GALNTL6: variants seen among roughly 807,000 people sequenced by gnomAD.
The protein encoded by GALNTL6 is polypeptide N-acetylgalactosaminyltransferase like 6, also known as polypeptide N-acetylgalactosaminyltransferase-like 6.
In GALNTL6, 46 loss-of-function variants were observed where a neutral mutation model predicts 73.7. The ratio of observed to expected loss-of-function variants is 0.62; its 90% CI spans 0.49 to 0.80. The LOEUF is 0.80. Among genes scored for constraint, GALNTL6 ranks in the 30% least tolerant of loss-of-function variants. The pLI is 0.00. For missense variants in GALNTL6, 604 were observed against 755.0 expected (o/e 0.80, Z 2.34); for synonymous variants, 259 against 263.7 (o/e 0.98, Z 0.17).
intron 2 of GALNTL6, among the ~76,000 whole-genome samples, chr4:171,937,328 A>G (rs1166687324): frequency 6.6e-6 from 1 of 152,090 alleles, no homozygotes; most frequent in Non-Finnish European, 1.5e-5. Context: ...TATTTTTCCA[A>G]TTATGTAAGT....
chr4:172,669,449 A>T (rs1368341690), intron 5 of GALNTL6, among the ~76,000 whole-genome samples: 1 of 152,210 alleles, frequency 6.6e-6, no homozygotes, highest in African/African-American at 2.4e-5. Flanking sequence ...AATGACCCCA[A>T]CAGTAGATGT....
chr4:172,738,797 T>A (rs6835625), intron 5 of GALNTL6, among the ~76,000 whole-genome samples: 54,582 of 151,982 alleles, frequency 0.36, 10,850 homozygotes, highest in African/African-American at 0.52. Flanking sequence ...TAAGATATAC[T>A]TTGGTTTGGT....
intron 2 of GALNTL6, among the ~76,000 whole-genome samples, chr4:171,824,964 G>A (rs956514292): frequency 1.3e-5 from 2 of 152,126 alleles, no homozygotes; most frequent in Non-Finnish European, 2.9e-5. Context: ...AGAGAATGTA[G>A]CTCTTCCCAG....
At chr4:172,079,203 T>C (rs566773756) in intron 2 of GALNTL6, among the ~76,000 whole-genome samples, 1 of 140,440 alleles carries the variant, frequency 7.1e-6, no homozygotes, top group Non-Finnish European at 1.6e-5. Context: ...CTTTTTTCAC[T>C]GAACAATATG....
intron 2 of GALNTL6, among the ~76,000 whole-genome samples, chr4:171,987,374 T>C (rs1383246728): frequency 1.3e-5 from 2 of 152,116 alleles, no homozygotes; most frequent in Non-Finnish European, 2.9e-5. Flanking sequence ...TCAGACTGTA[T>C]AGAGATGGGA....
At chr4:172,596,447 AAAAAAAAAAAAAG>A (rs1345856556) in intron 5 of GALNTL6, among the ~76,000 whole-genome samples, 1 of 114,346 alleles carries the variant, frequency 8.7e-6, no homozygotes, top group African/African-American at 3.0e-5. Flanking sequence ...ATTGTCTCTC[AAAAAAAAAAAAAG>A]AAAAAAAAAA....
At chr4:172,363,036 C>T (rs1384265669) in intron 5 of GALNTL6, among the ~76,000 whole-genome samples, 1 of 152,072 alleles carries the variant, frequency 6.6e-6, no homozygotes, top group Non-Finnish European at 1.5e-5. Flanking sequence ...GCAGTCTTCC[C>T]TCTCTATAAC....
In GALNTL6 at chr4:172,976,684, C is replaced by A. The variant is rs537889771; in HGVS notation, c.1371+24426C>A. Among the ~76,000 whole-genome samples the A allele has an allele frequency of 3.9e-5, 6 of 152,302 alleles. No homozygotes were observed. The East Asian group carries it at 1.2e-3, about 29-fold the overall frequency. On this transcript the variant is annotated intron_variant, in intron 10 of 12. Coordinates refer to ENST00000506823, the MANE Select transcript of GALNTL6 (RefSeq NM_001034845.3). ...GTACTTCAATCTAAGATTGCTGACT[C>A]CCCAGACACCTGTCCACCTTTTCTG...
chr4:171,839,381 G>C (rs1016598959), intron 2 of GALNTL6, among the ~76,000 whole-genome samples: 9 of 152,074 alleles, frequency 5.9e-5, no homozygotes, highest in Non-Finnish European at 1.5e-5. Context: ...AAATTTTATA[G>C]GACACTTTTT....
intron 2 of GALNTL6, among the ~76,000 whole-genome samples, chr4:172,029,694 C>G (rs2110817568): frequency 6.6e-6 from 1 of 152,166 alleles, no homozygotes; most frequent in African/African-American, 2.4e-5. Flanking sequence ...TCCCTAGTGG[C>G]TGTGACTCCA....
intron 2 of GALNTL6, among the ~76,000 whole-genome samples, chr4:172,001,454 A>G (rs931279443): frequency 2.0e-5 from 3 of 152,194 alleles, no homozygotes; most frequent in Admixed American, 6.6e-5. Flanking sequence ...GCTTCATGAT[A>G]AAATGAAAAG....
chr4:172,381,475 C>G (rs1341465042), intron 5 of GALNTL6, among the ~76,000 whole-genome samples: 1 of 152,202 alleles, frequency 6.6e-6, no homozygotes, highest in Non-Finnish European at 1.5e-5. Context: ...CCTTCTTTCT[C>G]TTCAGATTTG....
chr4:172,346,426 C>T lies in GALNTL6; in HGVS notation c.387-2097C>T, dbSNP rs76859189. ...TGCCCATGTCCAAAACGTAAGAGTCCTCTTTAGTCACTTCTCCTAGTTACC... is the reference window on the plus strand; with the variant it reads ...TGCCCATGTCCAAAACGTAAGAGTCTTCTTTAGTCACTTCTCCTAGTTACC... On this transcript the variant is annotated intron_variant, in intron 4 of 12. Transcript: ENST00000506823. 2.1e-3 allele frequency among the ~76,000 whole-genome samples: 327 copies of T among 152,220 alleles called. 1 individual carries two copies. The highest frequency in any genetic ancestry group is 7.1e-3 in the African/African-American group (293 of 41,532).
At chr4:172,406,178 TTTAC>T (rs1156921161) in intron 5 of GALNTL6, among the ~76,000 whole-genome samples, 1 of 151,976 alleles carries the variant, frequency 6.6e-6, no homozygotes, top group Non-Finnish European at 1.5e-5. Context: ...TCTCTGTTTA[TTTAC>T]TTATTTATTT....
chr4:172,937,952 T>C (rs556731175), intron 9 of GALNTL6, among the ~76,000 whole-genome samples: 4 of 152,370 alleles, frequency 2.6e-5, no homozygotes, highest in East Asian at 3.9e-4. Context: ...ATATATTTGA[T>C]ATTAACAAAT....
intron 5 of GALNTL6, among the ~76,000 whole-genome samples, chr4:172,783,806 G>A (rs1341587645): frequency 2.6e-5 from 4 of 152,010 alleles, no homozygotes; most frequent in Non-Finnish European, 5.9e-5. Context: ...AAGCACTTGA[G>A]AAATGAGCTT....
At chr4:172,764,746 TCTG>T (rs1738309954) in intron 5 of GALNTL6, among the ~76,000 whole-genome samples, 1 of 152,182 alleles carries the variant, frequency 6.6e-6, no homozygotes, top group South Asian at 2.1e-4. Flanking sequence ...GTGAGTTTCT[TCTG>T]CTATTTATCT....
chr4:172,742,607 G>A (rs570399479), intron 5 of GALNTL6, among the ~76,000 whole-genome samples: 26 of 152,098 alleles, frequency 1.7e-4, no homozygotes, highest in Middle Eastern at 3.4e-3. Context: ...GAGAAGGGCC[G>A]CTACCATGAA....
intron 2 of GALNTL6, among the ~76,000 whole-genome samples, chr4:171,867,166 A>C (rs2110888277): frequency 1.3e-5 from 2 of 152,264 alleles, no homozygotes; most frequent in East Asian, 3.9e-4. Context: ...CTATGGATAA[A>C]ATGAAAGGGA....
Sources: gnomAD v4.1 joint callset for allele counts (sites outside exome capture counted in the v4.1 genomes callset) on GRCh38, gnomAD v4.1.1 for gene constraint, MANE v1.5 for transcripts, NCBI Gene and HGNC (gene_info 2026-07-23, HGNC 2026-07-21) for gene names.